The following GPC6 variants were observed in gnomAD, a reference collection of about 807,000 sequenced individuals.
GPC6 encodes glypican 6.
A neutral mutation model predicts 55.2 loss-of-function variants in GPC6; 14 were observed. The observed-to-expected ratio is 0.25, with a 90% CI of 0.17 to 0.40. The LOEUF is 0.40. Ranked by LOEUF, GPC6 falls within the 10% of genes least tolerant of loss-of-function variation. GPC6 has a pLI of 1.00. For missense variants in GPC6, 641 were observed against 708.5 expected (o/e 0.90, Z 1.08); for synonymous variants, 278 against 259.6 (o/e 1.07, Z -0.68).
At chr13:93,256,577 G>A (rs984908213) in intron 1 of GPC6, among the ~76,000 whole-genome samples, 16 of 152,082 alleles carry the variant, frequency 1.1e-4, no homozygotes, top group Non-Finnish European at 2.1e-4. Context: ...AAGAAATTTA[G>A]TACACATATA....
chr13:93,841,258 C>G (rs1887943167), intron 3 of GPC6, among the ~76,000 whole-genome samples: 1 of 152,080 alleles, frequency 6.6e-6, no homozygotes, highest in Admixed American at 6.6e-5. Context: ...CTTAATAGTG[C>G]TGACATAGTG....
intron 1 of GPC6, among the ~76,000 whole-genome samples, chr13:93,270,270 C>T (rs1877473959): frequency 6.8e-6 from 1 of 146,440 alleles, no homozygotes; most frequent in African/African-American, 2.5e-5. Context: ...AAAAAAAGGC[C>T]CCACATCACC....
At chr13:93,385,761 G>A (rs1375615808) in intron 1 of GPC6, among the ~76,000 whole-genome samples, 2 of 151,996 alleles carry the variant, frequency 1.3e-5, no homozygotes, top group Non-Finnish European at 2.9e-5. Context: ...TCCCCCTGTT[G>A]TAATTATAGT....
At position 93,996,018 on chromosome 13, in the gene GPC6, T is replaced by C. The variant is rs979441594; in HGVS notation, c.712-31711T>C. Among the ~76,000 whole-genome samples the C allele has an allele frequency of 3.4e-4, 52 of 152,350 alleles. 1 individual carries two copies. Among genetic ancestry groups the C allele is most frequent in the African/African-American group, 1.0e-3 (43 of 41,584 alleles). On this transcript the variant is annotated intron_variant, in intron 3 of 8. Transcript: ENST00000377047. ...GAAGATAGTTAAGGAATAATTTTAG[T>C]TTTATAAGTTCCAATAATAGTAATT...
chr13:94,239,292 G>A, intron 4 of GPC6, among the ~76,000 whole-genome samples: 1 of 152,128 alleles, frequency 6.6e-6, no homozygotes, highest in South Asian at 2.1e-4. Context: ...TGGAATCTAA[G>A]CTATGAAGGG....
chr13:94,364,484 C>T (rs1479036424), intron 6 of GPC6, among the ~76,000 whole-genome samples: 1 of 152,138 alleles, frequency 6.6e-6, no homozygotes, highest in Non-Finnish European at 1.5e-5. Context: ...CCCATGGTGA[C>T]ATTTGTACTC....
At chr13:93,845,218 A>G (rs1008284346) in intron 3 of GPC6, among the ~76,000 whole-genome samples, 8 of 152,072 alleles carry the variant, frequency 5.3e-5, no homozygotes, top group African/African-American at 1.9e-4. Context: ...TGCAGCCAAA[A>G]AACACATGAA....
intron 4 of GPC6, among the ~76,000 whole-genome samples, chr13:94,089,382 C>G (rs1364227273): frequency 6.6e-6 from 1 of 152,124 alleles, no homozygotes; most frequent in Non-Finnish European, 1.5e-5. Flanking sequence ...CAAGGCTGCT[C>G]ATAACCTTTT....
chr13:93,853,206 A>G (rs1204982133), intron 3 of GPC6, among the ~76,000 whole-genome samples: 2 of 151,688 alleles, frequency 1.3e-5, no homozygotes, highest in Non-Finnish European at 3.0e-5. Flanking sequence ...CAGGAGTATA[A>G]TTCAAGGTTA....
intron 4 of GPC6, among the ~76,000 whole-genome samples, chr13:94,048,532 A>G (rs1483431113): frequency 6.6e-6 from 1 of 152,052 alleles, no homozygotes; most frequent in Non-Finnish European, 1.5e-5. Context: ...ATCAGCTTCA[A>G]CGATAATTCA....
chr13:93,843,118 T>G (rs1314198898), intron 3 of GPC6, among the ~76,000 whole-genome samples: 1 of 151,890 alleles, frequency 6.6e-6, no homozygotes, highest in Non-Finnish European at 1.5e-5. Flanking sequence ...TCTTAAAAAT[T>G]TTCTTTTACA....
intron 3 of GPC6, among the ~76,000 whole-genome samples, chr13:94,018,234 G>A (rs1295517279): frequency 6.6e-6 from 1 of 150,680 alleles, no homozygotes; most frequent in African/African-American, 2.4e-5. Context: ...AGTTTCTTAT[G>A]TTGAATCACC....
chr13:94,164,925 C>T (rs1184582486), intron 4 of GPC6, among the ~76,000 whole-genome samples: 1 of 151,882 alleles, frequency 6.6e-6, no homozygotes, highest in Admixed American at 6.6e-5. Flanking sequence ...AACACCATTG[C>T]CATTCTGTTC....
At chr13:94,175,875 T>C (rs890415597) in intron 4 of GPC6, among the ~76,000 whole-genome samples, 2 of 148,026 alleles carry the variant, frequency 1.4e-5, no homozygotes, top group African/African-American at 2.5e-5. Context: ...ATATAAAAGA[T>C]GTTTATACTT....
At chr13:93,673,729 C>T (rs1042983570) in intron 2 of GPC6, among the ~76,000 whole-genome samples, 4 of 151,998 alleles carry the variant, frequency 2.6e-5, no homozygotes, top group African/African-American at 4.8e-5. Flanking sequence ...AAAATGTTCC[C>T]CAAGTTATCT....
At position 93,864,708 on chromosome 13, in the gene GPC6, A is replaced by C. The variant is rs150540549; in HGVS notation, c.711+34163A>C. Among the ~76,000 whole-genome samples the C allele has an allele frequency of 3.1e-3, 472 of 151,820 alleles. 5 individuals are homozygous for C. The highest frequency in any genetic ancestry group is 0.011 in the African/African-American group (457 of 41,502). On this transcript the variant is annotated intron_variant, in intron 3 of 8. Coordinates refer to ENST00000377047, the MANE Select transcript of GPC6 (RefSeq NM_005708.5). ...CTTTATAGTATCATTCTAGTTTTAC[A>C]GATGGTAAACCTGAGGCACAATCAG... is the stretch of plus-strand genomic sequence containing the variant.
intron 4 of GPC6, among the ~76,000 whole-genome samples, chr13:94,101,841 A>G (rs1885874118): frequency 6.6e-6 from 1 of 151,906 alleles, no homozygotes; most frequent in South Asian, 2.1e-4. Flanking sequence ...CATATTCCAA[A>G]TGCAGAATAG....
intron 2 of GPC6, among the ~76,000 whole-genome samples, chr13:93,817,067 G>A (rs1886878924): frequency 6.6e-6 from 1 of 152,080 alleles, no homozygotes; most frequent in Non-Finnish European, 1.5e-5. Context: ...CATAGAATCT[G>A]GGTCTATCAC....
intron 2 of GPC6, among the ~76,000 whole-genome samples, chr13:93,794,947 A>C (rs968021457): frequency 1.9e-4 from 29 of 152,262 alleles, no homozygotes; most frequent in African/African-American, 7.0e-4. Context: ...CAGCCCCCTG[A>C]GATTGGGTAG....
Sources: gnomAD v4.1 joint callset for allele counts (sites outside exome capture counted in the v4.1 genomes callset) on GRCh38, gnomAD v4.1.1 for gene constraint, MANE v1.5 for transcripts, NCBI Gene and HGNC (gene_info 2026-07-23, HGNC 2026-07-21) for gene names.